The following PCCA variants were observed in gnomAD, a reference collection of about 807,000 sequenced individuals.
The protein encoded by PCCA is propionyl-CoA carboxylase subunit alpha.
Under a neutral mutation model 101.3 loss-of-function variants are expected in PCCA, and 74 were observed. That is an observed-to-expected ratio of 0.73 (90% CI 0.61 to 0.89). The LOEUF is 0.89. Among genes scored for constraint, PCCA ranks in the 40% least tolerant of loss-of-function variants. PCCA has a pLI of 0.00. For synonymous variants in PCCA, 294 were observed against 313.6 expected (o/e 0.94, Z 0.66); for missense variants, 891 against 907.0 (o/e 0.98, Z 0.23).
Position 100,449,209 on chromosome 13 carries a change from G to C in PCCA, c.1846-43G>C, listed in dbSNP as rs1283293. ...CTATCGTGAACATTACATACAAGCTGTGCAGATATGAGTTCATTTTATATC... is the reference window on the plus strand; with the variant it reads ...CTATCGTGAACATTACATACAAGCTCTGCAGATATGAGTTCATTTTATATC... On this transcript the variant is annotated intron_variant, in intron 20 of 23. Transcript: ENST00000376285. 2,309 of 1,246,166 alleles carry C rather than the reference G, an allele frequency of 1.9e-3. 26 individuals are homozygous for C. The African/African-American group carries it at 0.031, about 16-fold the overall frequency. 77.2% of individuals were successfully genotyped at this position (1,246,166 alleles called of 1,614,324 possible). A position where few individuals can be genotyped will look rare whatever the true frequency, so the allele number is the denominator to read the frequency against.
intron 16 of PCCA, among the ~76,000 whole-genome samples, chr13:100,324,336 A>G (rs925955740): frequency 2.6e-5 from 4 of 152,120 alleles, no homozygotes; most frequent in African/African-American, 9.7e-5. Flanking sequence ...ACCTATTTTG[A>G]TATTACAGTT....
chr13:100,123,091 CTG>C (rs896341330), intron 4 of PCCA, among the ~76,000 whole-genome samples: 7 of 152,356 alleles, frequency 4.6e-5, no homozygotes, highest in African/African-American at 1.7e-4. Context: ...AATTCTCACT[CTG>C]TCGTCCAGGC....
At chr13:100,216,684 A>G (rs578140152) in intron 7 of PCCA, among the ~76,000 whole-genome samples, 1 of 152,360 alleles carries the variant, frequency 6.6e-6, no homozygotes, top group Non-Finnish European at 1.5e-5. Context: ...AAGAAACCAA[A>G]AACCAAGAGA....
chr13:100,143,639 C>G (rs147177577), intron 4 of PCCA, among the ~76,000 whole-genome samples: 95 of 151,790 alleles, frequency 6.3e-4, no homozygotes, highest in African/African-American at 2.2e-3. Flanking sequence ...CTTCAAAGTA[C>G]TTATTCTGTC....
chr13:100,502,165 G>C (rs2085733459), intron 21 of PCCA, among the ~76,000 whole-genome samples: 2 of 152,108 alleles, frequency 1.3e-5, no homozygotes, highest in Admixed American at 6.5e-5. Context: ...TTCCTAAGAT[G>C]TTTTACACAT....
Position 100,208,116 on chromosome 13 carries a change from T to G in PCCA, c.469-1216T>G, listed in dbSNP as rs569787911. Among the ~76,000 whole-genome samples, 5 of 152,294 alleles carry G rather than the reference T, an allele frequency of 3.3e-5. No individual in the cohort carries two copies. In the South Asian group the frequency reaches 8.3e-4, roughly 25 times the overall value. ...TGAATACTTGACTATTGCAGAGGCCTGTCAGCTCAGCGTGTGCAAAGTTGG... is the reference window on the plus strand; with the variant it reads ...TGAATACTTGACTATTGCAGAGGCCGGTCAGCTCAGCGTGTGCAAAGTTGG... On this transcript the variant is annotated intron_variant, in intron 6 of 23. Coordinates refer to ENST00000376285, the MANE Select transcript of PCCA (RefSeq NM_000282.4).
At chr13:100,400,626 A>ATTTTT (rs370081214) in intron 19 of PCCA, among the ~76,000 whole-genome samples, 1 of 47,032 alleles carries the variant, frequency 2.1e-5, no homozygotes, top group Non-Finnish European at 3.5e-5. Context: ...AGTTCTTTTT[A>ATTTTT]GTTCTTTTTT....
chr13:100,145,096 A>G (rs1256359835), intron 4 of PCCA, among the ~76,000 whole-genome samples: 1 of 152,252 alleles, frequency 6.6e-6, no homozygotes, highest in Non-Finnish European at 1.5e-5. Flanking sequence ...ATCTCTGTAT[A>G]TCAACAGAGA....
At chr13:100,116,700 T>G (rs1254041455) in intron 4 of PCCA, among the ~76,000 whole-genome samples, 2 of 152,188 alleles carry the variant, frequency 1.3e-5, no homozygotes, top group East Asian at 1.9e-4. Context: ...TGATTTTTTT[T>G]GGGTAAATAT....
At chr13:100,236,351 A>G (rs1253793754) in intron 8 of PCCA, 1 of 159,040 alleles carries the variant, frequency 6.3e-6, no homozygotes, top group East Asian at 1.8e-4. Context: ...GAACTGAATG[A>G]TCTAAATTGG....
At chr13:100,421,911 C>T (rs1435067484) in intron 19 of PCCA, among the ~76,000 whole-genome samples, 1 of 152,048 alleles carries the variant, frequency 6.6e-6, no homozygotes, top group African/African-American at 2.4e-5. Context: ...TCTCAATCTC[C>T]TGACCTTAGG....
intron 7 of PCCA, among the ~76,000 whole-genome samples, chr13:100,215,671 T>C (rs2059468647): frequency 6.6e-6 from 1 of 152,156 alleles, no homozygotes; most frequent in Non-Finnish European, 1.5e-5. Context: ...GGAGTCTCAC[T>C]TTATTGCCCA....
intron 21 of PCCA, among the ~76,000 whole-genome samples, chr13:100,502,174 A>C (rs1343006765): frequency 6.6e-6 from 1 of 152,202 alleles, no homozygotes; most frequent in African/African-American, 2.4e-5. Context: ...TGTTTTACAC[A>C]TCAGTATCTT....
intron 19 of PCCA, among the ~76,000 whole-genome samples, chr13:100,419,344 C>T (rs1008677590): frequency 1.3e-5 from 2 of 151,608 alleles, no homozygotes; most frequent in Non-Finnish European, 2.9e-5. Flanking sequence ...TGGTGGTGGG[C>T]GCCTGTAATC....
In PCCA at chr13:100,515,491, C is replaced by CT; in HGVS notation, c.1965dup (p.Glu656Ter). On this transcript the variant is annotated frameshift_variant, in exon 22 of 24. Coordinates refer to ENST00000376285, the MANE Select transcript of PCCA (RefSeq NM_000282.4). LOFTEE classifies it high-confidence loss of function. ...AACAAATTTATGCTGGAAAAAGTGACTGAGGACACAAGCAGTGTTCTGCGT... is the reference window on the plus strand; with the variant it reads ...AACAAATTTATGCTGGAAAAAGTGACTTGAGGACACAAGCAGTGTTCTGCGT... 1 of 1,614,108 alleles carries CT rather than the reference C, an allele frequency of 6.2e-7. No individual in the cohort carries two copies. The highest frequency in any genetic ancestry group is 8.5e-7 in the Non-Finnish European group (1 of 1,179,970).
intron 7 of PCCA, among the ~76,000 whole-genome samples, chr13:100,216,484 C>T (rs867142887): frequency 2.0e-5 from 3 of 152,228 alleles, no homozygotes; most frequent in African/African-American, 7.2e-5. Context: ...GGATGCTGCT[C>T]TCTTTATTAC....
intron 23 of PCCA, among the ~76,000 whole-genome samples, chr13:100,529,214 A>G (rs1372969467): frequency 6.6e-6 from 1 of 152,178 alleles, no homozygotes; most frequent in Non-Finnish European, 1.5e-5. Flanking sequence ...TCCCAGAGAA[A>G]AAAAGTTCAC....
At chr13:100,407,069 A>G (rs2077727689) in intron 19 of PCCA, among the ~76,000 whole-genome samples, 1 of 152,248 alleles carries the variant, frequency 6.6e-6, no homozygotes, top group Non-Finnish European at 1.5e-5. Flanking sequence ...CAACTGACAA[A>G]GAAGTTCGGT....
At chr13:100,493,894 G>A (rs1164538472) in intron 21 of PCCA, among the ~76,000 whole-genome samples, 1 of 152,192 alleles carries the variant, frequency 6.6e-6, no homozygotes, top group Non-Finnish European at 1.5e-5. Flanking sequence ...AGTGGCATAT[G>A]AGAAGCAAAC....
Sources: gnomAD v4.1 joint callset for allele counts (sites outside exome capture counted in the v4.1 genomes callset) on GRCh38, gnomAD v4.1.1 for gene constraint, MANE v1.5 for transcripts, NCBI Gene and HGNC (gene_info 2026-07-23, HGNC 2026-07-21) for gene names.